The following RBFOX1 variants were observed in gnomAD, a reference collection of about 807,000 sequenced individuals.
RBFOX1 encodes RNA binding protein fox-1 homolog 1.
A neutral mutation model predicts 57.7 loss-of-function variants in RBFOX1; 8 were observed. The ratio of observed to expected loss-of-function variants is 0.14; its 90% CI spans 0.08 to 0.25. RBFOX1 has a LOEUF of 0.25. Ranked by LOEUF, RBFOX1 falls within the 10% of genes least tolerant of loss-of-function variation. The pLI is 1.00. For missense variants in RBFOX1, 611 were observed against 548.5 expected (o/e 1.11, Z -1.14); for synonymous variants, 326 against 222.4 (o/e 1.47, Z -4.15).
chr16:6,021,819 C>A (rs771540279), intron 1 of RBFOX1, among the ~76,000 whole-genome samples: 2 of 152,266 alleles, frequency 1.3e-5, no homozygotes, highest in East Asian at 1.9e-4. Flanking sequence ...GAGTTTCAGT[C>A]GTAGTTCTGT....
At chr16:6,794,094 T>C (rs10163423) in intron 3 of RBFOX1, among the ~76,000 whole-genome samples, 19,230 of 151,984 alleles carry the variant, frequency 0.13, 1,715 homozygotes, top group African/African-American at 0.24. Flanking sequence ...GACTGAACTA[T>C]AAGTTTAGGG....
At chr16:6,890,055 T>C (rs945958452) in intron 3 of RBFOX1, among the ~76,000 whole-genome samples, 1 of 152,224 alleles carries the variant, frequency 6.6e-6, no homozygotes, top group African/African-American at 2.4e-5. Context: ...AGAAGTTGAT[T>C]TTATAGATTT....
intron 4 of RBFOX1, among the ~76,000 whole-genome samples, chr16:5,995,902 A>G (rs1163262777): frequency 6.6e-6 from 1 of 152,174 alleles, no homozygotes; most frequent in Non-Finnish European, 1.5e-5. Context: ...CACAGTTCTG[A>G]GGGCTGGGAA....
At chr16:6,046,022 G>T (rs1440266897) in intron 1 of RBFOX1, among the ~76,000 whole-genome samples, 1 of 152,234 alleles carries the variant, frequency 6.6e-6, no homozygotes, top group Non-Finnish European at 1.5e-5. Context: ...AACGTCTCAT[G>T]CAGAGGATAA....
chr16:6,804,507 A>T (rs571002485), intron 3 of RBFOX1, among the ~76,000 whole-genome samples: 1 of 152,302 alleles, frequency 6.6e-6, no homozygotes, highest in South Asian at 2.1e-4. Context: ...AGGTGCATAA[A>T]TAATCTTCAT....
Position 6,351,664 on chromosome 16 carries a change from G to A in RBFOX1, c.-64+34607G>A, listed in dbSNP as rs182242110. Among the ~76,000 whole-genome samples the A allele has an allele frequency of 2.0e-3, 309 of 151,860 alleles. 2 individuals carry two copies. Among genetic ancestry groups the A allele is most frequent in the African/African-American group, 7.0e-3 (288 of 41,436 alleles). On this transcript the variant is annotated intron_variant, in intron 2 of 15. Transcript: ENST00000550418. ...GTTGGGATTACAGGCATAAGCCACCGCTCCCGGCCTAAGGGAATGTTTTCA... is the reference window on the plus strand; with the variant it reads ...GTTGGGATTACAGGCATAAGCCACCACTCCCGGCCTAAGGGAATGTTTTCA...
intron 14 of RBFOX1, among the ~76,000 whole-genome samples, chr16:7,708,722 A>C (rs1271989602): frequency 6.6e-6 from 1 of 152,118 alleles, no homozygotes; most frequent in Non-Finnish European, 1.5e-5. Flanking sequence ...TTAATACTTG[A>C]AGTTGTTTCT....
chr16:5,722,863 C>G (rs2051987964), intron 3 of RBFOX1, among the ~76,000 whole-genome samples: 1 of 152,194 alleles, frequency 6.6e-6, no homozygotes, highest in South Asian at 2.1e-4. Flanking sequence ...TGCCACTTAA[C>G]TTTTTCTGTT....
chr16:6,573,907 A>C (rs1009998297), intron 2 of RBFOX1: 1 of 152,180 alleles, frequency 6.6e-6, no homozygotes, highest in Non-Finnish European at 1.5e-5. Context: ...CTTGGAGGAC[A>C]GTCAGAGGAA....
intron 4 of RBFOX1, among the ~76,000 whole-genome samples, chr16:7,097,950 C>T (rs557186283): frequency 6.6e-6 from 1 of 152,260 alleles, no homozygotes; most frequent in African/African-American, 2.4e-5. Context: ...ATCAGAAATA[C>T]AAAACAGTTT....
rs753196234 is a variant in RBFOX1, at chr16:7,186,239, T to TATATAA, written c.27+134143_27+134148dup. Among the ~76,000 whole-genome samples, 335 of 73,880 alleles carry TATATAA rather than the reference T, an allele frequency of 4.5e-3. 3 individuals carry two copies. Among genetic ancestry groups the TATATAA allele is most frequent in the African/African-American group, 0.013 (145 of 11,136 alleles). The allele number at this position is 73,880 out of a possible 152,430, so 48.5% of individuals were successfully genotyped here. A position where few individuals can be genotyped will look rare whatever the true frequency, so the allele number is the denominator to read the frequency against. On this transcript the variant is annotated intron_variant, in intron 4 of 15. Coordinates refer to ENST00000550418, the MANE Select transcript of RBFOX1 (RefSeq NM_018723.4). Reference sequence around the variant, plus strand: ...ATATTTATATAAACATAAACATATTTATATAAACATAAACATATTTATATA... The same window carrying TATATAA: ...ATATTTATATAAACATAAACATATTTATATAAATATAAACATAAACATATTTATATA...
At position 6,185,680 on chromosome 16, in the gene RBFOX1, T is replaced by C. The variant is rs548987718; in HGVS notation, c.-126-131315T>C. On this transcript the variant is annotated intron_variant, in intron 1 of 15. Coordinates refer to ENST00000550418, the MANE Select transcript of RBFOX1 (RefSeq NM_018723.4). Reference sequence around the variant, plus strand: ...TATTTCACCCCTATACACTTGTGGGTCTAAATTGTTAATGTCTGTTTTCTT... The same window carrying C: ...TATTTCACCCCTATACACTTGTGGGCCTAAATTGTTAATGTCTGTTTTCTT... Among the ~76,000 whole-genome samples the C allele has an allele frequency of 1.9e-3, 289 of 152,330 alleles. 5 individuals carry two copies. The highest frequency in any genetic ancestry group is 3.4e-3 in the Middle Eastern group (1 of 294).
chr16:7,072,154 C>T (rs547655326), intron 4 of RBFOX1, among the ~76,000 whole-genome samples: 1 of 152,266 alleles, frequency 6.6e-6, no homozygotes, highest in Admixed American at 6.5e-5. Flanking sequence ...CAACTGTTGT[C>T]CTGGTATAAT....
chr16:5,741,709 C>G (rs928842386), intron 3 of RBFOX1, among the ~76,000 whole-genome samples: 1 of 152,052 alleles, frequency 6.6e-6, no homozygotes, highest in Non-Finnish European at 1.5e-5. Flanking sequence ...AAATTTGGGC[C>G]GGTTAAAGTG....
At chr16:6,189,785 G>A (rs2097130608) in intron 1 of RBFOX1, among the ~76,000 whole-genome samples, 3 of 152,112 alleles carry the variant, frequency 2.0e-5, no homozygotes, top group East Asian at 1.9e-4. Context: ...ATTATTCCAT[G>A]GATATTTTCT....
intron 3 of RBFOX1, among the ~76,000 whole-genome samples, chr16:6,873,121 C>T (rs1254434761): frequency 6.7e-6 from 1 of 148,554 alleles, no homozygotes; most frequent in Non-Finnish European, 1.5e-5. Context: ...CTTTTAGTTT[C>T]TATGCATTGG....
At chr16:5,464,876 C>T (rs1445421977) in intron 1 of RBFOX1, among the ~76,000 whole-genome samples, 1 of 152,088 alleles carries the variant, frequency 6.6e-6, no homozygotes, top group Non-Finnish European at 1.5e-5. Context: ...TCTAGGAGCC[C>T]AGGAGGAAGG....
At chr16:5,422,354 AGGAG>A (rs1388837014) in intron 1 of RBFOX1, among the ~76,000 whole-genome samples, 7 of 110,126 alleles carry the variant, frequency 6.4e-5, no homozygotes, top group African/African-American at 2.0e-4. Flanking sequence ...AGGAGGGAGA[AGGAG>A]GGAGCAGGGA....
intron 3 of RBFOX1, among the ~76,000 whole-genome samples, chr16:6,751,602 G>T (rs1301802644): frequency 6.6e-6 from 1 of 152,120 alleles, no homozygotes; most frequent in African/African-American, 2.4e-5. Context: ...TGGGAGTTTT[G>T]AAGTTTACTT....
Sources: allele counts gnomAD v4.1 joint callset (sites outside exome capture counted in the v4.1 genomes callset), GRCh38; gene constraint gnomAD v4.1.1; transcripts MANE v1.5; gene names NCBI Gene and HGNC (gene_info 2026-07-23, HGNC 2026-07-21).